The following KCNH4 variants were observed in gnomAD, a reference collection of about 807,000 sequenced individuals.
The protein encoded by KCNH4 is voltage-gated delayed rectifier potassium channel KCNH4.
KCNH4 carries 33 observed loss-of-function variants against 90.7 expected under a neutral mutation model. That is an observed-to-expected ratio of 0.36 (90% CI 0.28 to 0.49). KCNH4 has a LOEUF of 0.49. Among genes scored for constraint, KCNH4 ranks in the 20% least tolerant of loss-of-function variants. The pLI is 0.98. For missense variants in KCNH4, 1,044 were observed against 1,387.1 expected (o/e 0.75, Z 3.93); for synonymous variants, 551 against 581.7 (o/e 0.95, Z 0.76).
chr17:42,173,405 C>G (rs927328314), intron 6 of KCNH4, among the ~76,000 whole-genome samples: 1 of 152,138 alleles, frequency 6.6e-6, no homozygotes, highest in African/African-American at 2.4e-5. Context: ...CTCCCAGAGC[C>G]CTTGACTGCA....
intron 10 of KCNH4, 49 bp downstream of exon 10, chr17:42,166,248 T>C: frequency 2.0e-6 from 3 of 1,534,966 alleles, no homozygotes; most frequent in Non-Finnish European, 2.6e-6. Context: ...CAGTGGGGGT[T>C]GCGGGGGGTG....
chr17:42,178,212 C>A lies in KCNH4; in HGVS notation c.473G>T (p.Arg158Ile). 2 of 1,614,238 alleles carry A rather than the reference C, an allele frequency of 1.2e-6. No individual in the cohort carries two copies. Among genetic ancestry groups the A allele is most frequent in the African/African-American group, 2.7e-5 (2 of 75,052 alleles). ...GDSNHENSLG[R>I]RGATWKFRSA... is the part of the protein sequence containing the mutation. ...CCGAAATTTCCAGGTGGCTCCCCTT[C>A]TACCAAGGGAGTTTTCTGTTGGGAA... is the stretch of plus-strand genomic sequence containing the variant. Residue 158 changes from arginine to isoleucine, a missense_variant, in exon 4 of 17, where the codon AGA becomes ATA. By Grantham distance (97) the Arg-to-Ile change is moderately conservative. Transcript: ENST00000264661.
chr17:42,157,595 T>C (rs1407717384), intron 16 of KCNH4, among the ~76,000 whole-genome samples: 1 of 152,184 alleles, frequency 6.6e-6, no homozygotes, highest in Non-Finnish European at 1.5e-5. Context: ...GGTAGCCTGA[T>C]GTCCTGAGGT....
chr17:42,170,038 G>A, intron 8 of KCNH4, 69 bp downstream of exon 8: 1 of 1,464,690 alleles, frequency 6.8e-7, no homozygotes. Context: ...TGCCCTCTCT[G>A]GGCCTCAGTT....
intron 15 of KCNH4, 94 bp downstream of exon 15, chr17:42,162,154 C>T (rs2079753410): frequency 3.8e-6 from 4 of 1,045,756 alleles, no homozygotes; most frequent in South Asian, 2.8e-5. Flanking sequence ...TCATGTTGGC[C>T]AGGCTGGTCC....
At chr17:42,170,842 C>T (rs923266809) in intron 7 of KCNH4, among the ~76,000 whole-genome samples, 13 of 152,120 alleles carry the variant, frequency 8.5e-5, no homozygotes, top group South Asian at 8.3e-4. Context: ...AGGCAGGGAA[C>T]GGAAAATCCA....
intron 7 of KCNH4, 27 bp from the exon 8 acceptor site, chr17:42,170,328 C>T (rs756920011): frequency 1.3e-6 from 2 of 1,550,028 alleles, no homozygotes; most frequent in Non-Finnish European, 1.7e-6. Flanking sequence ...TGCAGGGAGC[C>T]CTGGCTGTGC....
Position 42,162,248 on chromosome 17 carries a change from C to G in KCNH4, c.2658G>C (p.Glu886Asp). 6.2e-7 allele frequency: 1 copy of G among 1,613,780 alleles called. No homozygotes were observed. The highest frequency in any genetic ancestry group is 1.3e-5 in the African/African-American group (1 of 74,996). Reference sequence around the variant, plus strand: ...CGTCTCTGAGCCAGCCCCAACCCACCTCCTGGTTCAGCCGGCAAACCTTTT... The same window carrying G: ...CGTCTCTGAGCCAGCCCCAACCCACGTCCTGGTTCAGCCGGCAAACCTTTT... ...VKEKVCRLNQEISRLNQEVSQ... is the reference protein window; with the variant it reads ...VKEKVCRLNQDISRLNQEVSQ... The change falls in exon 15 of 17, where the codon GAG becomes GAC. Residue 886 changes from glutamate to aspartate, a missense_variant and splice_region_variant. Around this residue, in one of 4 missense-constraint regions of KCNH4, gnomAD observed 441 missense variants for 512.3 expected, o/e 0.86. Transcript: ENST00000264661.
Position 42,163,493 on chromosome 17 carries a change from G to T in KCNH4, c.2477+113C>A, listed in dbSNP as rs915226885. 4 of 742,604 alleles carry T rather than the reference G, an allele frequency of 5.4e-6. No homozygotes were observed. Among genetic ancestry groups the T allele is most frequent in the African/African-American group, 1.7e-5 (1 of 57,226 alleles). 46.0% of individuals were successfully genotyped at this position (742,604 alleles called of 1,614,324 possible). A position where few individuals can be genotyped will look rare whatever the true frequency, so the allele number is the denominator to read the frequency against. ...AGCTGTGGTTGGAAGGGTGCGGTGG[G>T]CACACGGGCAGAGACGGAATGTAGC... is the stretch of plus-strand genomic sequence containing the variant. On this transcript the variant is annotated intron_variant, in intron 13 of 16. Coordinates refer to ENST00000264661, the MANE Select transcript of KCNH4 (RefSeq NM_012285.3). The surrounding 1 kb of genome is among the most constrained non-coding windows in gnomAD (Gnocchi z 5.4).
intron 2 of KCNH4, 148 bp from the exon 3 acceptor site, chr17:42,178,625 T>C: frequency 3.3e-6 from 4 of 1,225,390 alleles, no homozygotes; most frequent in Non-Finnish European, 4.5e-6. Context: ...GCCGATTCCT[T>C]CATCTTTCAA....
chr17:42,176,208 G>A lies in KCNH4; in HGVS notation c.675C>T (p.Ser225=). 1 of 1,613,896 alleles carries A rather than the reference G, an allele frequency of 6.2e-7. No homozygotes were observed. The highest frequency in any genetic ancestry group is 1.7e-5 in the Admixed American group (1 of 59,996). The change falls in exon 5 of 17, where the codon TCC becomes TCT. Residue 225 remains serine (S), a synonymous_variant. Transcript: ENST00000264661. ...SRCLLLHYSV[S]KAIWDGLILL... is the part of the protein sequence containing the mutation. ...GGATAAGGCCGTCCCAGATGGCCTT[G>A]GAGACGCTGTAGTGGAGGAGGAGGC...
In KCNH4 at chr17:42,178,318, G is replaced by C. The variant is rs1433458558; in HGVS notation, c.457+13C>G. On this transcript the variant is annotated intron_variant, in intron 3 of 16. Transcript: ENST00000264661. Reference sequence around the variant, plus strand: ...TCTGACCATTCACACTGCCCGTCCGGACTTGCTGTTACCGTGATTACTGTC... The same window carrying C: ...TCTGACCATTCACACTGCCCGTCCGCACTTGCTGTTACCGTGATTACTGTC... The C allele has an allele frequency of 2.5e-6, 4 of 1,614,198 alleles. No homozygotes were observed. In the Admixed American group the frequency reaches 6.7e-5, roughly 27 times the overall value.
At chr17:42,176,579 AG>A in intron 4 of KCNH4, among the ~76,000 whole-genome samples, 1 of 123,594 alleles carries the variant, frequency 8.1e-6, no homozygotes, top group East Asian at 2.4e-4. Context: ...CTGGAGTGCA[AG>A]GGCATGATCT....
rs2079761473 is a variant in KCNH4 at position 42,163,278 on chromosome 17, A to C, written c.2534T>G (p.Phe845Cys). Reference protein sequence around the residue: ...GSTAEAPSFRFSRRPELPRPR... With the variant: ...GSTAEAPSFRCSRRPELPRPR... ...CCTTGGCAGTTCAGGCCTCCTGCTG[A>C]ATCGGAATGAAGGGGCCTCAGCTGT... The change falls in exon 14 of 17, where the codon TTC (phenylalanine) becomes TGC (cysteine). Residue 845 changes from phenylalanine to cysteine, a missense_variant. Physicochemically the swap from Phe to Cys is radical, Grantham distance 205 (BLOSUM62 -2). This residue lies in a region of KCNH4 where 441 missense variants were observed against 512.3 expected (regional missense o/e 0.86). Transcript: ENST00000264661. The surrounding 1 kb of genome is among the most constrained non-coding windows in gnomAD (Gnocchi z 5.4). The C allele has an allele frequency of 1.2e-6, 2 of 1,614,098 alleles. No homozygotes were observed. Among genetic ancestry groups the C allele is most frequent in the East Asian group, 4.5e-5 (2 of 44,866 alleles).
rs1053141277 is a variant in KCNH4, at chr17:42,160,448, C to T, written c.2659-13G>A. On this transcript the variant is annotated splice_polypyrimidine_tract_variant and intron_variant, in intron 15 of 16. Coordinates refer to ENST00000264661, the MANE Select transcript of KCNH4 (RefSeq NM_012285.3). Reference sequence around the variant, plus strand: ...TGAGACGAGAGATCTGTTGAAAACACATCGAGTTGTTTCACAGGTGCCACA... The same window carrying T: ...TGAGACGAGAGATCTGTTGAAAACATATCGAGTTGTTTCACAGGTGCCACA... The T allele has an allele frequency of 2.6e-6, 4 of 1,565,796 alleles. No homozygotes were observed. The highest frequency in any genetic ancestry group is 2.7e-5 in the African/African-American group (2 of 73,662).
chr17:42,169,549 C>T lies in KCNH4; in HGVS notation c.1518G>A (p.Arg506=), dbSNP rs755346101. The change falls in exon 9 of 17, where the codon CGG becomes CGA. Residue 506 remains arginine, a synonymous_variant. Transcript: ENST00000264661. ...KDFIRVHRLP[R]PLKQRMLEYF... ...ATTCGAGCATGCGCTGCTTGAGCGG[C>T]CGCGGCAGGCGGTGCACACGGATGA... 6.2e-7 allele frequency: 1 copy of T among 1,613,602 alleles called. No individual in the cohort carries two copies. Among genetic ancestry groups the T allele is most frequent in the Non-Finnish European group, 8.5e-7 (1 of 1,180,020 alleles).
chr17:42,157,211 GGACCTGGGAACACACT>G (rs2079715845), intron 16 of KCNH4, 93 bp from the exon 17 acceptor site: 1 of 152,178 alleles, frequency 6.6e-6, no homozygotes, highest in Non-Finnish European at 1.5e-5. Context: ...TTGGGCACAG[GGACCTGGGAACACACT>G]GTTAGGTAAG....
In KCNH4 at chr17:42,178,286, G is replaced by A. The variant is rs374763728; in HGVS notation, c.457+45C>T. 83 of 1,614,118 alleles carry A rather than the reference G, an allele frequency of 5.1e-5. No homozygotes were observed. In the African/African-American group the frequency reaches 5.6e-4, roughly 11 times the overall value. ...GCACATCCCTTGCGGCTGGTTAGGCGAAGGCTTCTGACCATTCACACTGCC... is the reference window on the plus strand; with the variant it reads ...GCACATCCCTTGCGGCTGGTTAGGCAAAGGCTTCTGACCATTCACACTGCC... On this transcript the variant is annotated intron_variant, in intron 3 of 16. Coordinates refer to ENST00000264661, the MANE Select transcript of KCNH4 (RefSeq NM_012285.3).
rs1397857241 is a variant in KCNH4, at chr17:42,178,236, A to G, written c.458-9T>C. 6.2e-7 allele frequency: 1 copy of G among 1,614,180 alleles called. No homozygotes were observed. Among genetic ancestry groups the G allele is most frequent in the Non-Finnish European group, 8.5e-7 (1 of 1,180,040 alleles). ...TCTACCAAGGGAGTTTTCTGTTGGG[A>G]AGAAAGGTGCAGAGATACGTTGGGG... is the stretch of plus-strand genomic sequence containing the variant. On this transcript the variant is annotated splice_polypyrimidine_tract_variant and intron_variant, in intron 3 of 16. Transcript: ENST00000264661.
Sources: gnomAD v4.1 joint callset for allele counts (sites outside exome capture counted in the v4.1 genomes callset) on GRCh38, gnomAD v4.1.1 for gene constraint, gnomAD v4.1.1 regional missense constraint, Gnocchi (gnomAD v3.1) non-coding constraint, MANE v1.5 for transcripts, NCBI Gene and HGNC (gene_info 2026-07-23, HGNC 2026-07-21) for gene names.